ACYP2: variants seen among roughly 807,000 people sequenced by gnomAD.
ACYP2 encodes acylphosphatase 2.
A neutral mutation model predicts 11.2 loss-of-function variants in ACYP2; 12 were observed. The ratio of observed to expected loss-of-function variants is 1.08; its 90% CI spans 0.69 to 1.74. The LOEUF (loss-of-function observed/expected upper bound fraction) is 1.74, where lower values mean the gene tolerates loss of function less well. Among genes scored for constraint, ACYP2 ranks in the 40% most tolerant of loss-of-function variants. The probability of loss-of-function intolerance (pLI) is 0.00; values close to 1 mark genes in which losing one functional copy is unlikely to be tolerated. For synonymous variants in ACYP2, 43 were observed against 32.2 expected, an observed-to-expected ratio of 1.33 and a Z score of -1.13; for missense variants, 134 against 101.9, an observed-to-expected ratio of 1.31 and a Z score of -1.35.
intron 2 of ACYP2, among the ~76,000 whole-genome samples, chr2:54,022,012 C>T (rs1390591202): frequency 2.0e-5 from 3 of 152,188 alleles, no homozygotes; most frequent in Non-Finnish European, 4.4e-5. Context: ...TCCCTATCAT[C>T]TTACCAGTGG....
chr2:53,982,616 A>G (rs866791216), intron 2 of ACYP2, among the ~76,000 whole-genome samples: 1 of 152,202 alleles, frequency 6.6e-6, no homozygotes, highest in Admixed American at 6.5e-5. Context: ...TCGCTCATCC[A>G]ATAAGTTTTA....
At chr2:54,210,731 C>CT (rs11432765) in intron 6 of ACYP2, among the ~76,000 whole-genome samples, 87,055 of 150,864 alleles carry the variant, frequency 0.58, 25,557 homozygotes, top group African/African-American at 0.69. Context: ...CTCATTAAGT[C>CT]TTTTTTTTTC....
At chr2:53,983,630 G>A (rs1378083664) in intron 2 of ACYP2, among the ~76,000 whole-genome samples, 5 of 152,144 alleles carry the variant, frequency 3.3e-5, no homozygotes, top group Admixed American at 3.3e-4. Flanking sequence ...TACGGCTGAA[G>A]CAGAGTTAGA....
chr2:54,290,055 ATTC>A (rs957550858), intron 6 of ACYP2, among the ~76,000 whole-genome samples: 2 of 151,996 alleles, frequency 1.3e-5, no homozygotes, highest in Admixed American at 1.3e-4. Context: ...CCTTGGCGCT[ATTC>A]TTTTAATTCA....
intron 2 of ACYP2, among the ~76,000 whole-genome samples, chr2:54,035,698 A>G (rs945988165): frequency 6.6e-6 from 1 of 152,196 alleles, no homozygotes. Flanking sequence ...TAGAATGGCT[A>G]CCTATAATTT....
intron 6 of ACYP2, among the ~76,000 whole-genome samples, chr2:54,181,240 C>T (rs1220816968): frequency 6.6e-6 from 1 of 152,056 alleles, no homozygotes; most frequent in Admixed American, 6.6e-5. Flanking sequence ...GTGACAAGTC[C>T]TAGAAGGAAA....
chr2:54,256,787 G>A (rs1009464459), intron 6 of ACYP2, among the ~76,000 whole-genome samples: 2 of 152,010 alleles, frequency 1.3e-5, no homozygotes, highest in South Asian at 2.1e-4. Context: ...GATTACAGGC[G>A]CCCACCACCA....
intron 4 of ACYP2, among the ~76,000 whole-genome samples, chr2:54,088,150 A>ACAC (rs1678036570): frequency 6.6e-6 from 1 of 152,192 alleles, no homozygotes; most frequent in Non-Finnish European, 1.5e-5. Context: ...CAACTCTTCT[A>ACAC]GTGGAGCCAA....
intron 6 of ACYP2, among the ~76,000 whole-genome samples, chr2:54,220,098 A>T (rs924713396): frequency 2.6e-5 from 4 of 151,648 alleles, no homozygotes; most frequent in Non-Finnish European, 4.4e-5. Flanking sequence ...TACCTAAAAC[A>T]GATATTTGAT....
At chr2:54,207,783 T>C (rs1167813056) in intron 6 of ACYP2, among the ~76,000 whole-genome samples, 1 of 152,200 alleles carries the variant, frequency 6.6e-6, no homozygotes, top group African/African-American at 2.4e-5. Flanking sequence ...TCAGTTTGGA[T>C]TTTTTCCAGA....
intron 2 of ACYP2, among the ~76,000 whole-genome samples, chr2:54,040,452 T>C (rs1350309619): frequency 6.6e-6 from 1 of 151,904 alleles, no homozygotes; most frequent in African/African-American, 2.4e-5. Flanking sequence ...TCCTAGATGA[T>C]AGTTCAAGTC....
intron 4 of ACYP2, among the ~76,000 whole-genome samples, chr2:54,095,737 G>A (rs1187873371): frequency 5.3e-4 from 68 of 127,864 alleles, no homozygotes; most frequent in Admixed American, 2.4e-3. Context: ...AGGGGCGGCC[G>A]GGCAGAGGCG....
At chr2:54,020,795 A>G (rs1558476374) in intron 2 of ACYP2, among the ~76,000 whole-genome samples, 2 of 152,254 alleles carry the variant, frequency 1.3e-5, no homozygotes, top group Admixed American at 6.5e-5. Flanking sequence ...AATTTTAGAA[A>G]CATGGGAAGT....
At chr2:54,266,830 C>T (rs1688051676) in intron 6 of ACYP2, among the ~76,000 whole-genome samples, 1 of 151,710 alleles carries the variant, frequency 6.6e-6, no homozygotes, top group African/African-American at 2.4e-5. Flanking sequence ...AGGATGTTCT[C>T]AATCTCCTGA....
At chr2:54,133,548 A>G (rs903106366) in intron 4 of ACYP2, among the ~76,000 whole-genome samples, 5 of 152,308 alleles carry the variant, frequency 3.3e-5, no homozygotes, top group African/African-American at 1.2e-4. Flanking sequence ...TGCACCTGAT[A>G]CATTCCTGAT....
chr2:54,148,107 G>C (rs1292731838), intron 6 of ACYP2, among the ~76,000 whole-genome samples: 1 of 152,068 alleles, frequency 6.6e-6, no homozygotes, highest in Non-Finnish European at 1.5e-5. Flanking sequence ...CCACAGTTAA[G>C]GCAGGAACGA....
chr2:54,065,799 T>C (rs1676714321), intron 4 of ACYP2: 2 of 299,546 alleles, frequency 6.7e-6, no homozygotes, highest in African/African-American at 2.2e-5. Flanking sequence ...AAATGTCCTC[T>C]GGGCTGTGTT....
chr2:53,995,117 C>G (rs1672508529), intron 2 of ACYP2, among the ~76,000 whole-genome samples: 1 of 152,122 alleles, frequency 6.6e-6, no homozygotes, highest in African/African-American at 2.4e-5. Flanking sequence ...AGTGCATGTT[C>G]TGTCTCTCAT....
intron 6 of ACYP2, among the ~76,000 whole-genome samples, chr2:54,201,485 G>A (rs1468495204): frequency 6.6e-6 from 1 of 151,916 alleles, no homozygotes; most frequent in African/African-American, 2.4e-5. Flanking sequence ...TATAGAATTT[G>A]CAAATATTTT....
Sources: gnomAD v4.1 joint callset for allele counts (sites outside exome capture counted in the v4.1 genomes callset) on GRCh38, gnomAD v4.1.1 for gene constraint, MANE v1.5 for transcripts, NCBI Gene and HGNC (gene_info 2026-07-23, HGNC 2026-07-21) for gene names.